SLC41A2: variants seen among roughly 807,000 people sequenced by gnomAD.
SLC41A2 encodes the protein SLC41A1-like 1.
A neutral mutation model predicts 58.3 loss-of-function variants in SLC41A2; 32 were observed. The observed-to-expected ratio is 0.55, with a 90% CI of 0.41 to 0.74. SLC41A2 has a LOEUF of 0.74. Among genes scored for constraint, SLC41A2 ranks in the 30% least tolerant of loss-of-function variants. SLC41A2 has a pLI of 0.00. For missense variants in SLC41A2, 514 were observed against 680.6 expected (o/e 0.76, Z 2.72); for synonymous variants, 190 against 235.0 (o/e 0.81, Z 1.75).
chr12:104,925,842 G>T (rs1307665887), intron 2 of SLC41A2, among the ~76,000 whole-genome samples: 1 of 152,068 alleles, frequency 6.6e-6, no homozygotes, highest in African/African-American at 2.4e-5. Flanking sequence ...AGAATAATTG[G>T]TATCTCAAGA....
rs560855319 is a variant in SLC41A2, at chr12:104,802,747, G to A, written c.*2405C>T. 3 of 152,102 alleles carry A rather than the reference G, an allele frequency of 2.0e-5. No individual in the cohort carries two copies. The highest frequency in any genetic ancestry group is 1.9e-4 in the East Asian group (1 of 5,188). The allele number at this position is 152,102 out of a possible 1,614,324, so 9.4% of individuals were successfully genotyped here. On this transcript the variant is annotated 3_prime_UTR_variant, in exon 11 of 11. Transcript: ENST00000258538. ...TACTCACCATCAGGATATAATAAAC[G>A]GAGGTTTCTTTGTCTGAAATCCATA...
At chr12:104,889,353 G>A (rs1302338553) in intron 4 of SLC41A2, among the ~76,000 whole-genome samples, 176 bp from the exon 5 acceptor site, 1 of 152,110 alleles carries the variant, frequency 6.6e-6, no homozygotes, top group African/African-American at 2.4e-5. Flanking sequence ...TAAGATGGTG[G>A]GTTCTCAAAC....
At chr12:104,912,354 A>C (rs1199754615) in intron 2 of SLC41A2, among the ~76,000 whole-genome samples, 1 of 152,198 alleles carries the variant, frequency 6.6e-6, no homozygotes, top group Non-Finnish European at 1.5e-5. Context: ...GGACTTTCAA[A>C]CCACCCCCAC....
intron 1 of SLC41A2, among the ~76,000 whole-genome samples, chr12:104,934,198 A>G (rs544180788): frequency 6.6e-6 from 1 of 152,212 alleles, no homozygotes; most frequent in Non-Finnish European, 1.5e-5. Flanking sequence ...AAAGTAAATT[A>G]AAAAAATAAG....
Position 104,886,501 on chromosome 12 carries a change from T to C in SLC41A2, c.881-62A>G, listed in dbSNP as rs2044671796. On this transcript the variant is annotated intron_variant, in intron 5 of 10. Coordinates refer to ENST00000258538, the MANE Select transcript of SLC41A2 (RefSeq NM_001352171.3). Reference sequence around the variant, plus strand: ...ATTTAAAGAAAATCAATCCCCCAAATACCAAAATGTGTAGGATAGAAAAAC... The same window carrying C: ...ATTTAAAGAAAATCAATCCCCCAAACACCAAAATGTGTAGGATAGAAAAAC... The C allele has an allele frequency of 2.0e-5, 30 of 1,537,912 alleles. No individual in the cohort carries two copies. The South Asian group carries it at 3.5e-4, about 18-fold the overall frequency.
intron 10 of SLC41A2, among the ~76,000 whole-genome samples, chr12:104,827,243 G>A (rs1401234476): frequency 6.6e-6 from 1 of 152,182 alleles, no homozygotes; most frequent in East Asian, 1.9e-4. Context: ...CCTGATATCA[G>A]GAGGAAGCTA....
intron 10 of SLC41A2, among the ~76,000 whole-genome samples, chr12:104,817,800 C>A (rs573114958): frequency 2.0e-5 from 3 of 151,612 alleles, no homozygotes; most frequent in South Asian, 4.2e-4. Flanking sequence ...AGCGTACACA[C>A]TAGGTACAGC....
rs550385468 is a variant in SLC41A2 at position 104,865,330 on chromosome 12, C to T, written c.1175+1102G>A. 3.4e-4 allele frequency among the ~76,000 whole-genome samples: 52 copies of T among 152,270 alleles called. No homozygotes were observed. In the South Asian group the frequency reaches 0.011, roughly 31 times the overall value. On this transcript the variant is annotated intron_variant, in intron 7 of 10. Transcript: ENST00000258538. The stretch of plus-strand genomic sequence containing the variant: ...GTACAGATGTTTCTGAATCTAGAAC[C>T]TCTCCGATTTAGCCTCTTGAGAGGT...
chr12:104,836,437 C>A (rs2042210773), intron 10 of SLC41A2, among the ~76,000 whole-genome samples: 1 of 152,086 alleles, frequency 6.6e-6, no homozygotes, highest in Non-Finnish European at 1.5e-5. Context: ...AAGAGGGGAA[C>A]TGTTAGAGAT....
intron 10 of SLC41A2, among the ~76,000 whole-genome samples, chr12:104,807,780 C>T (rs1381003342): frequency 8.5e-5 from 13 of 152,284 alleles, no homozygotes; most frequent in Non-Finnish European, 1.3e-4. Context: ...AGGTCCTTCA[C>T]GTCCCTTATA....
At position 104,949,772 on chromosome 12, in the gene SLC41A2, G is replaced by A. The variant is rs138957102; in HGVS notation, c.-168+8316C>T. Among the ~76,000 whole-genome samples the A allele has an allele frequency of 8.5e-4, 130 of 152,234 alleles. 1 individual carries two copies. Among genetic ancestry groups the A allele is most frequent in the African/African-American group, 3.0e-3 (123 of 41,546 alleles). On this transcript the variant is annotated intron_variant, in intron 1 of 10. Transcript: ENST00000258538. ...CTAATATTGTATTTTTAGTAAGGACGAGGTTTCTCCACGTTGGTCAGGCTG... is the reference window on the plus strand; with the variant it reads ...CTAATATTGTATTTTTAGTAAGGACAAGGTTTCTCCACGTTGGTCAGGCTG...
intron 8 of SLC41A2, among the ~76,000 whole-genome samples, chr12:104,860,580 A>AT (rs1486528449): frequency 6.6e-6 from 1 of 151,500 alleles, no homozygotes; most frequent in Non-Finnish European, 1.5e-5. Context: ...GGACCAATAG[A>AT]TTTTTTTCTT....
At chr12:104,825,383 T>C (rs374461594) in intron 10 of SLC41A2, among the ~76,000 whole-genome samples, 221 of 152,326 alleles carry the variant, frequency 1.5e-3, no homozygotes, top group Middle Eastern at 0.01. Flanking sequence ...GCTTCTCGCC[T>C]GCTGTGTCAA....
intron 6 of SLC41A2, among the ~76,000 whole-genome samples, chr12:104,880,433 T>A (rs1468978932): frequency 6.6e-6 from 1 of 152,214 alleles, no homozygotes; most frequent in Non-Finnish European, 1.5e-5. Flanking sequence ...GCCCATTCAG[T>A]ATGATATTGG....
At chr12:104,842,880 A>G (rs1394111328) in intron 10 of SLC41A2, among the ~76,000 whole-genome samples, 10 of 152,098 alleles carry the variant, frequency 6.6e-5, no homozygotes, top group African/African-American at 2.4e-4. Context: ...CATGAGGCTA[A>G]GAGGTAGAGT....
intron 10 of SLC41A2, among the ~76,000 whole-genome samples, chr12:104,836,504 A>G (rs898439021): frequency 1.3e-5 from 2 of 152,246 alleles, no homozygotes; most frequent in Non-Finnish European, 2.9e-5. Context: ...TTATATATAA[A>G]TGAAGCAGTA....
chr12:104,810,342 A>G (rs1704845939), intron 10 of SLC41A2, among the ~76,000 whole-genome samples: 2 of 152,224 alleles, frequency 1.3e-5, no homozygotes, highest in Admixed American at 1.3e-4. Flanking sequence ...AGCTTTTAAA[A>G]GAATGAGGGT....
At chr12:104,922,220 T>C (rs916621867) in intron 2 of SLC41A2, among the ~76,000 whole-genome samples, 4 of 152,150 alleles carry the variant, frequency 2.6e-5, no homozygotes, top group African/African-American at 9.7e-5. Context: ...TGAAAAGGCA[T>C]AGAGTGGCTA....
Position 104,825,974 on chromosome 12 carries a change from C to T in SLC41A2, c.1536+18498G>A, listed in dbSNP as rs781079109. On this transcript the variant is annotated intron_variant, in intron 10 of 10. Transcript: ENST00000258538. ...TGGGTACATACTGCAATTGCACCTA[C>T]GGCCAGCACCTGCCAAGGTCACCAG... Among the ~76,000 whole-genome samples, 17 of 152,306 alleles carry T rather than the reference C, an allele frequency of 1.1e-4. No individual in the cohort carries two copies. In the Middle Eastern group the frequency reaches 0.014, roughly 122 times the overall value.
Sources: gnomAD v4.1 joint callset for allele counts (sites outside exome capture counted in the v4.1 genomes callset) on GRCh38, gnomAD v4.1.1 for gene constraint, MANE v1.5 for transcripts, NCBI Gene and HGNC (gene_info 2026-07-23, HGNC 2026-07-21) for gene names.